The following COL4A1 variants were observed in gnomAD, a reference collection of about 807,000 sequenced individuals.
The protein encoded by COL4A1 is collagen type IV alpha 1 chain.
In COL4A1, 40 loss-of-function variants were observed where a neutral mutation model predicts 216.6. That is an observed-to-expected ratio of 0.18 (90% CI 0.14 to 0.24). COL4A1 has a LOEUF of 0.24. Among genes scored for constraint, COL4A1 ranks in the 10% least tolerant of loss-of-function variants. COL4A1 has a pLI of 1.00. For missense variants in COL4A1, 1,628 were observed against 2,196.8 expected, an observed-to-expected ratio of 0.74 and a Z score of 5.18; for synonymous variants, 839 against 810.7, an observed-to-expected ratio of 1.03 and a Z score of -0.59.
At chr13:110,303,328 G>A (rs1275736051) in intron 1 of COL4A1, among the ~76,000 whole-genome samples, 1 of 151,826 alleles carries the variant, frequency 6.6e-6, no homozygotes, top group Non-Finnish European at 1.5e-5. Flanking sequence ...AAAGGGACAG[G>A]ACCACATACT....
rs1880441664 is a variant in COL4A1, at chr13:110,220,777, C to T, written c.145-6762G>A. ...GTGAAGAATGGGAGAGAACTCAGTGCTGGAGTCTCCTGGCCGAAAGAACAG... is the reference window on the plus strand; with the variant it reads ...GTGAAGAATGGGAGAGAACTCAGTGTTGGAGTCTCCTGGCCGAAAGAACAG... On this transcript the variant is annotated intron_variant, in intron 2 of 51. Transcript: ENST00000375820. 2.0e-5 allele frequency among the ~76,000 whole-genome samples: 3 copies of T among 152,120 alleles called. No individual in the cohort carries two copies. The South Asian group carries it at 6.2e-4, about 32-fold the overall frequency.
intron 1 of COL4A1, among the ~76,000 whole-genome samples, chr13:110,297,387 G>C (rs1022565091): frequency 6.6e-6 from 1 of 151,392 alleles, no homozygotes; most frequent in Non-Finnish European, 1.5e-5. Flanking sequence ...TACCAGTATC[G>C]TGTCTGCGAC....
chr13:110,200,742 T>A, intron 20 of COL4A1, 112 bp downstream of exon 20: 1 of 1,143,218 alleles, frequency 8.7e-7, no homozygotes, highest in Non-Finnish European at 1.3e-6. Context: ...GTCGTAAGAT[T>A]GCTACCGATT....
intron 1 of COL4A1, among the ~76,000 whole-genome samples, chr13:110,295,528 C>T (rs914564893): frequency 2.0e-5 from 3 of 150,356 alleles, no homozygotes; most frequent in Admixed American, 6.7e-5. Context: ...CCCATTCAAG[C>T]GATTCTCCTG....
At position 110,149,255 on chromosome 13, in the gene COL4A1, G is replaced by A. The variant is rs963146049; in HGVS notation, c.*1108C>T. On this transcript the variant is annotated 3_prime_UTR_variant, in exon 52 of 52. Coordinates refer to ENST00000375820, the MANE Select transcript of COL4A1 (RefSeq NM_001845.6). Reference sequence around the variant, plus strand: ...GCTGAGGTCTGTGAACACAGCTCATGAGAAACCACGGAAATGGCCCGAATG... The same window carrying A: ...GCTGAGGTCTGTGAACACAGCTCATAAGAAACCACGGAAATGGCCCGAATG... 5 of 154,772 alleles carry A rather than the reference G, an allele frequency of 3.2e-5. No individual in the cohort carries two copies. The highest frequency in any genetic ancestry group is 1.2e-4 in the African/African-American group (5 of 41,512). 9.6% of individuals were successfully genotyped at this position (154,772 alleles called of 1,614,324 possible).
chr13:110,238,848 C>T (rs905414479), intron 2 of COL4A1, among the ~76,000 whole-genome samples: 1 of 152,142 alleles, frequency 6.6e-6, no homozygotes, highest in Admixed American at 6.5e-5. Flanking sequence ...GAATGTGTTG[C>T]CTTTCCTACT....
Position 110,268,509 on chromosome 13 carries a change from T to C in COL4A1, c.85-25775A>G, listed in dbSNP as rs1883126983. Among the ~76,000 whole-genome samples, 1 of 152,238 alleles carries C rather than the reference T, an allele frequency of 6.6e-6. No individual in the cohort carries two copies. The highest frequency in any genetic ancestry group is 1.5e-5 in the Non-Finnish European group (1 of 68,036). ...GTAAAAGAATGACAGTAGGATAACA[T>C]TCACTGCTGTGCCAGAAAAACTTGG... On this transcript the variant is annotated intron_variant, in intron 1 of 51. Coordinates refer to ENST00000375820, the MANE Select transcript of COL4A1 (RefSeq NM_001845.6). The surrounding 1 kb of genome is among the most constrained non-coding windows in gnomAD (Gnocchi z 4.1).
chr13:110,219,781 C>CGTATATATGTGTATATGT (rs1880323041), intron 2 of COL4A1, among the ~76,000 whole-genome samples: 1 of 97,186 alleles, frequency 1.0e-5, no homozygotes, highest in Non-Finnish European at 2.3e-5. Flanking sequence ...TATATATATG[C>CGTATATATGTGTATATGT]GTATATATGT....
At chr13:110,172,849 C>T (rs1051717335) in intron 40 of COL4A1, 79 bp from the exon 41 acceptor site, 1 of 1,142,844 alleles carries the variant, frequency 8.8e-7, no homozygotes, top group African/African-American at 1.5e-5. Flanking sequence ...GCACTATCAA[C>T]TCTGCAATAA....
intron 15 of COL4A1, among the ~76,000 whole-genome samples, chr13:110,205,898 T>C (rs1879491449): frequency 6.6e-6 from 1 of 152,010 alleles, no homozygotes; most frequent in South Asian, 2.1e-4. Context: ...TAATAACGGA[T>C]ATAACACCAA....
chr13:110,289,428 G>A (rs570264111), intron 1 of COL4A1, among the ~76,000 whole-genome samples: 46 of 152,004 alleles, frequency 3.0e-4, no homozygotes, highest in Non-Finnish European at 4.1e-4. Context: ...AAGGCCCTGC[G>A]CACCCACCCT....
intron 12 of COL4A1, 143 bp downstream of exon 12, chr13:110,208,706 A>G (rs1879630751): frequency 1.2e-6 from 1 of 843,214 alleles, no homozygotes; most frequent in Non-Finnish European, 2.1e-6. Flanking sequence ...CATTTTAAGG[A>G]AAACACTAAC....
intron 31 of COL4A1, among the ~76,000 whole-genome samples, chr13:110,178,592 T>C (rs1163453372): frequency 6.6e-6 from 1 of 152,206 alleles, no homozygotes; most frequent in Admixed American, 6.5e-5. Flanking sequence ...AGACATGGAC[T>C]CAATTAGTTG....
At chr13:110,224,955 T>C (rs1382442602) in intron 2 of COL4A1, among the ~76,000 whole-genome samples, 3 of 152,006 alleles carry the variant, frequency 2.0e-5, no homozygotes, top group African/African-American at 7.3e-5. Flanking sequence ...TAGTTAATAA[T>C]ACAAAAGCAT....
Position 110,192,918 on chromosome 13 carries a change from A to G in COL4A1, c.1382-5T>C. 6.2e-7 allele frequency: 1 copy of G among 1,614,078 alleles called. No homozygotes were observed. The highest frequency in any genetic ancestry group is 1.1e-5 in the South Asian group (1 of 91,080). The stretch of plus-strand genomic sequence containing the variant: ...GGCAACTCTCTCCTTTTTGACCTAA[A>G]AAAGAAAACACAAAGGTGCTTACGT... On this transcript the variant is annotated splice_polypyrimidine_tract_variant and splice_region_variant and intron_variant, in intron 22 of 51. Coordinates refer to ENST00000375820, the MANE Select transcript of COL4A1 (RefSeq NM_001845.6).
intron 1 of COL4A1, among the ~76,000 whole-genome samples, chr13:110,287,589 T>C (rs554013120): frequency 3.1e-4 from 47 of 152,314 alleles, no homozygotes; most frequent in African/African-American, 1.1e-3. Context: ...TCATGAGCTG[T>C]CACTTGAGCA....
intron 1 of COL4A1, among the ~76,000 whole-genome samples, chr13:110,251,972 A>G (rs1237776066): frequency 1.3e-5 from 2 of 152,238 alleles, no homozygotes; most frequent in Non-Finnish European, 2.9e-5. Flanking sequence ...GAAGACTTAC[A>G]GAAATTCCAA....
At chr13:110,220,817 G>A (rs1230113245) in intron 2 of COL4A1, among the ~76,000 whole-genome samples, 1 of 152,190 alleles carries the variant, frequency 6.6e-6, no homozygotes, top group Non-Finnish European at 1.5e-5. Flanking sequence ...TGGGGTCTGA[G>A]GGGTGGGAGC....
At chr13:110,200,050 C>A (rs76414683) in intron 20 of COL4A1, among the ~76,000 whole-genome samples, 3,194 of 152,162 alleles carry the variant, frequency 0.021, 108 homozygotes, top group African/African-American at 0.073. Flanking sequence ...GGAAAGGAAA[C>A]AAATATAAAA....
Sources: allele counts gnomAD v4.1 joint callset (sites outside exome capture counted in the v4.1 genomes callset), GRCh38; gene constraint gnomAD v4.1.1; non-coding constraint Gnocchi (gnomAD v3.1); transcripts MANE v1.5; gene names NCBI Gene and HGNC (gene_info 2026-07-23, HGNC 2026-07-21).